Variants in EGF observed in about 807,000 individuals in gnomAD.
EGF encodes the protein pro-epidermal growth factor.
In EGF, 95 loss-of-function variants were observed where a neutral mutation model predicts 143.8. The ratio of observed to expected loss-of-function variants is 0.66; its 90% CI spans 0.56 to 0.78. EGF has a LOEUF of 0.78. Among genes scored for constraint, EGF ranks in the 30% least tolerant of loss-of-function variants. The pLI, the probability that EGF is intolerant of heterozygous loss-of-function variation, is 0.00. For missense variants in EGF, 1,320 were observed against 1,470.9 expected (o/e 0.90, Z 1.68); for synonymous variants, 510 against 510.5 (o/e 1.00, Z 0.01).
At chr4:109,962,137 A>G (rs1663028500) in intron 8 of EGF, 152 bp downstream of exon 8, 2 of 1,375,250 alleles carry the variant, frequency 1.5e-6, no homozygotes, top group Non-Finnish European at 2.0e-6. Context: ...ATAGATTTAA[A>G]TTTAGTATTT....
chr4:109,972,034 C>G (rs1297481163), intron 11 of EGF, among the ~76,000 whole-genome samples: 1 of 151,688 alleles, frequency 6.6e-6, no homozygotes, highest in Non-Finnish European at 1.5e-5. Context: ...GTAACAAAAA[C>G]TAATATGAGG....
At chr4:110,007,392 AG>A (rs1485230583) in intron 22 of EGF, among the ~76,000 whole-genome samples, 1 of 152,226 alleles carries the variant, frequency 6.6e-6, no homozygotes, top group East Asian at 1.9e-4. Context: ...TTGACAAGGA[AG>A]GACTTCACCA....
intron 1 of EGF, among the ~76,000 whole-genome samples, chr4:109,932,751 T>C (rs1740014322): frequency 1.3e-5 from 2 of 152,076 alleles, no homozygotes; most frequent in Non-Finnish European, 2.9e-5. Flanking sequence ...AAATTAACAA[T>C]ATATATTGGA....
At chr4:109,968,715 C>G (rs62325263) in intron 10 of EGF, 2 of 337,996 alleles carry the variant, frequency 5.9e-6, no homozygotes, top group Admixed American at 9.8e-5. Flanking sequence ...TATCTACCTA[C>G]CTACCTACCT....
At position 109,959,402 on chromosome 4, in the gene EGF, G is replaced by A; in HGVS notation, c.1031G>A (p.Gly344Glu). 2 of 1,613,010 alleles carry A rather than the reference G, an allele frequency of 1.2e-6. No homozygotes were observed. Among genetic ancestry groups the A allele is most frequent in the South Asian group, 1.1e-5 (1 of 91,072 alleles). The change falls in exon 6 of 24, where the codon GGA becomes GAA. Residue 344 changes from glycine (G) to glutamate (E), a missense_variant. By Grantham distance (98) the Gly-to-Glu change is moderately conservative. Around this residue, in one of 5 missense-constraint regions of EGF, gnomAD observed 1,186 missense variants for 1,313.7 expected, o/e 0.90. Coordinates refer to ENST00000265171, the MANE Select transcript of EGF (RefSeq NM_001963.6). Reference protein sequence around the residue: ...LQSHLCMCAEGYALSRDRKYC... With the variant: ...LQSHLCMCAEEYALSRDRKYC... ...TCACACTTGTGCATGTGTGCAGAGG[G>A]ATACGCCCTAAGTCGAGACCGGAAG... is the stretch of plus-strand genomic sequence containing the variant.
At chr4:110,007,791 A>G (rs949868775) in intron 22 of EGF, among the ~76,000 whole-genome samples, 1 of 152,166 alleles carries the variant, frequency 6.6e-6, no homozygotes, top group Admixed American at 6.5e-5. Context: ...ACACACATAT[A>G]TTAGATATTA....
chr4:109,988,165 ACTTC>A (rs1750419795), intron 17 of EGF, among the ~76,000 whole-genome samples: 2 of 151,400 alleles, frequency 1.3e-5, no homozygotes, highest in South Asian at 4.2e-4. Context: ...CAAGTTTATG[ACTTC>A]ACCAATTCCA....
chr4:109,933,533 G>C (rs550386733), intron 1 of EGF, among the ~76,000 whole-genome samples: 6 of 151,220 alleles, frequency 4.0e-5, no homozygotes, highest in African/African-American at 1.2e-4. Flanking sequence ...TCAACTCGTC[G>C]TTTACATTAG....
In EGF at chr4:109,993,269, G is replaced by C; in HGVS notation, c.2757G>C (p.Gly919=). The C allele has an allele frequency of 6.2e-7, 1 of 1,613,824 alleles. No individual in the cohort carries two copies. The highest frequency in any genetic ancestry group is 8.5e-7 in the Non-Finnish European group (1 of 1,179,918). Residue 919 remains glycine (G), a synonymous_variant, in exon 19 of 24, where the codon GGG becomes GGC. Coordinates refer to ENST00000265171, the MANE Select transcript of EGF (RefSeq NM_001963.6). The stretch of plus-strand genomic sequence containing the variant: ...CAGATATTGATGAGTGCCAACTGGG[G>C]GAGCACAGCTGTGGAGAGAATGCCA... The part of the protein sequence containing the change: ...HCLDIDECQL[G]EHSCGENASC...
intron 1 of EGF, among the ~76,000 whole-genome samples, chr4:109,930,456 T>C (rs1739490638): frequency 6.6e-6 from 1 of 152,188 alleles, no homozygotes; most frequent in South Asian, 2.1e-4. Context: ...TCTCATGGTG[T>C]CACTGAAGTT....
intron 11 of EGF, among the ~76,000 whole-genome samples, chr4:109,973,105 T>A (rs971745944): frequency 2.0e-5 from 3 of 152,220 alleles, no homozygotes; most frequent in African/African-American, 7.2e-5. Context: ...ATTTATATCC[T>A]GTCTGCCTGT....
At chr4:109,959,551 C>T (rs1321061647) in intron 6 of EGF, 114 bp downstream of exon 6, 10 of 1,547,402 alleles carry the variant, frequency 6.5e-6, no homozygotes, top group Non-Finnish European at 8.9e-6. Flanking sequence ...CAGTGGAAAA[C>T]CAACTTCAAG....
chr4:109,959,223 G>A, intron 5 of EGF, 89 bp from the exon 6 acceptor site: 1 of 1,587,948 alleles, frequency 6.3e-7, no homozygotes, highest in Non-Finnish European at 8.6e-7. Flanking sequence ...GTTGTAGGGA[G>A]GTAAGACCTC....
chr4:109,933,880 CAT>C (rs1414335814), intron 1 of EGF, among the ~76,000 whole-genome samples: 2 of 152,156 alleles, frequency 1.3e-5, no homozygotes, highest in Admixed American at 1.3e-4. Flanking sequence ...CCACAATAAA[CAT>C]ATGTGTGCAT....
At chr4:109,990,952 G>T (rs1397389398) in intron 18 of EGF, among the ~76,000 whole-genome samples, 1 of 152,110 alleles carries the variant, frequency 6.6e-6, no homozygotes, top group Non-Finnish European at 1.5e-5. Flanking sequence ...CAGTCACTTT[G>T]GGAGTTAGGG....
At chr4:109,918,370 G>A (rs577899906) in intron 1 of EGF, among the ~76,000 whole-genome samples, 31 of 152,018 alleles carry the variant, frequency 2.0e-4, no homozygotes, top group East Asian at 1.4e-3. Flanking sequence ...AGATTCTTCC[G>A]GAAGGAGTGG....
chr4:109,981,811 G>T (rs1261231524), intron 15 of EGF, among the ~76,000 whole-genome samples: 4 of 152,228 alleles, frequency 2.6e-5, no homozygotes, highest in East Asian at 3.9e-4. Flanking sequence ...TGCACTGAAA[G>T]AATTTATATG....
chr4:109,943,753 T>C, intron 3 of EGF, 89 bp from the exon 4 acceptor site: 1 of 1,124,610 alleles, frequency 8.9e-7, no homozygotes, highest in Non-Finnish European at 1.3e-6. Flanking sequence ...AAACTTGCCC[T>C]GTGAAGGAGC....
intron 20 of EGF, among the ~76,000 whole-genome samples, chr4:109,995,207 T>G (rs1751595650): frequency 6.6e-6 from 1 of 152,204 alleles, no homozygotes; most frequent in African/African-American, 2.4e-5. Flanking sequence ...GTGAGATAAT[T>G]CCTTAAAACT....
Sources: allele counts gnomAD v4.1 joint callset (sites outside exome capture counted in the v4.1 genomes callset), GRCh38; gene constraint gnomAD v4.1.1; regional missense constraint gnomAD v4.1.1; transcripts MANE v1.5; gene names NCBI Gene and HGNC (gene_info 2026-07-23, HGNC 2026-07-21).